Variants in CDH12 observed in about 807,000 individuals in gnomAD.
CDH12 encodes cadherin-12.
Under a neutral mutation model 74.1 loss-of-function variants are expected in CDH12, and 41 were observed. The ratio of observed to expected loss-of-function variants is 0.55; its 90% CI spans 0.43 to 0.72. The LOEUF is 0.72. Among genes scored for constraint, CDH12 ranks in the 30% least tolerant of loss-of-function variants. The probability of loss-of-function intolerance (pLI) is 0.00; values close to 1 mark genes in which losing one functional copy is unlikely to be tolerated. For missense variants in CDH12, 945 were observed against 977.2 expected (o/e 0.97, Z 0.44); for synonymous variants, 399 against 355.0 (o/e 1.12, Z -1.39).
At chr5:22,069,403 A>C (rs546460403) in intron 5 of CDH12, among the ~76,000 whole-genome samples, 104 of 152,250 alleles carry the variant, frequency 6.8e-4, no homozygotes, top group Non-Finnish European at 1.1e-3. Context: ...AATATATGGC[A>C]CTATTTCTTC....
intron 1 of CDH12, among the ~76,000 whole-genome samples, chr5:22,607,352 C>T (rs189869640): frequency 8.5e-5 from 13 of 152,210 alleles, no homozygotes; most frequent in South Asian, 8.3e-4. Context: ...TAAAGACATA[C>T]CCAACACTGG....
chr5:22,840,123 T>C (rs1236405186), intron 1 of CDH12, among the ~76,000 whole-genome samples: 1 of 152,158 alleles, frequency 6.6e-6, no homozygotes, highest in African/African-American at 2.4e-5. Flanking sequence ...TTTTTGTTTT[T>C]GTTTGTTGTT....
chr5:21,768,642 C>A (rs1296395047), intron 11 of CDH12, among the ~76,000 whole-genome samples: 1 of 151,868 alleles, frequency 6.6e-6, no homozygotes, highest in Non-Finnish European at 1.5e-5. Context: ...AAGAAATGAA[C>A]TTGTAATGAA....
chr5:22,489,052 C>T (rs7719756), intron 2 of CDH12, among the ~76,000 whole-genome samples: 9,213 of 36,794 alleles, frequency 0.25, 843 homozygotes, highest in Non-Finnish European at 0.28. Context: ...TTTTTTGGTA[C>T]CACCTTTTTT....
At chr5:22,235,118 T>C (rs1331044768) in intron 3 of CDH12, among the ~76,000 whole-genome samples, 1 of 152,228 alleles carries the variant, frequency 6.6e-6, no homozygotes, top group Non-Finnish European at 1.5e-5. Context: ...GTTTATATGC[T>C]GTGTGATTTG....
chr5:22,267,843 T>C (rs1190115293), intron 3 of CDH12, among the ~76,000 whole-genome samples: 2 of 151,928 alleles, frequency 1.3e-5, no homozygotes, highest in Non-Finnish European at 2.9e-5. Context: ...CAAAGAAAAA[T>C]ACAGAAAATA....
At chr5:21,924,950 A>G (rs1454714963) in intron 6 of CDH12, among the ~76,000 whole-genome samples, 2 of 152,222 alleles carry the variant, frequency 1.3e-5, no homozygotes, top group Non-Finnish European at 2.9e-5. Flanking sequence ...ATATGCCAGT[A>G]TATATCTTCC....
intron 4 of CDH12, among the ~76,000 whole-genome samples, chr5:22,163,479 T>C (rs1351617237): frequency 6.6e-6 from 1 of 152,188 alleles, no homozygotes; most frequent in Non-Finnish European, 1.5e-5. Context: ...CATCTATTTG[T>C]AGTCTTACCC....
intron 2 of CDH12, among the ~76,000 whole-genome samples, chr5:22,469,620 C>T (rs1745875716): frequency 2.0e-5 from 3 of 152,124 alleles, no homozygotes; most frequent in Non-Finnish European, 2.9e-5. Flanking sequence ...GCATTAGAAC[C>T]TCAACAGATA....
intron 1 of CDH12, among the ~76,000 whole-genome samples, chr5:22,780,819 AC>A (rs1378918151): frequency 6.6e-6 from 1 of 152,140 alleles, no homozygotes; most frequent in Non-Finnish European, 1.5e-5. Flanking sequence ...TTTATTTATG[AC>A]TTTTATAAAA....
intron 1 of CDH12, among the ~76,000 whole-genome samples, chr5:22,721,036 T>C (rs748114979): frequency 3.3e-5 from 5 of 152,222 alleles, no homozygotes; most frequent in African/African-American, 7.2e-5. Context: ...AGGAACTGAA[T>C]GTTAATAGCC....
At chr5:22,581,946 C>T (rs1740124424) in intron 1 of CDH12, among the ~76,000 whole-genome samples, 1 of 152,132 alleles carries the variant, frequency 6.6e-6, no homozygotes, top group Non-Finnish European at 1.5e-5. Flanking sequence ...ATCTCCTGAA[C>T]TCGCCTATCT....
At chr5:22,435,270 C>T (rs1195249555) in intron 2 of CDH12, among the ~76,000 whole-genome samples, 1 of 152,042 alleles carries the variant, frequency 6.6e-6, no homozygotes, top group African/African-American at 2.4e-5. Context: ...TTCCTGCCCT[C>T]GAACATCGGA....
rs370633189 is a variant in CDH12, at chr5:22,748,717, C to T, written c.-523+104341G>A. On this transcript the variant is annotated intron_variant, in intron 1 of 14. Coordinates refer to ENST00000382254, the MANE Select transcript of CDH12 (RefSeq NM_004061.5). The stretch of plus-strand genomic sequence containing the variant: ...AGATAAATATTAGTAGAGACTGTAG[C>T]GATTGTAATGATGTGACGACATTTC... Among the ~76,000 whole-genome samples the T allele has an allele frequency of 9.2e-5, 14 of 152,168 alleles. No individual in the cohort carries two copies. In the South Asian group the frequency reaches 1.2e-3, roughly 14 times the overall value.
intron 1 of CDH12, among the ~76,000 whole-genome samples, chr5:22,690,804 A>G (rs1291191844): frequency 6.6e-6 from 1 of 152,124 alleles, no homozygotes; most frequent in Non-Finnish European, 1.5e-5. Flanking sequence ...TTTGTTAATC[A>G]TTCTCATTAT....
At chr5:22,201,645 T>C (rs1208076469) in intron 4 of CDH12, among the ~76,000 whole-genome samples, 1 of 152,030 alleles carries the variant, frequency 6.6e-6, no homozygotes, top group Non-Finnish European at 1.5e-5. Context: ...TATAACAAAA[T>C]TGTACTTGTA....
intron 3 of CDH12, among the ~76,000 whole-genome samples, chr5:22,309,369 A>G (rs913067074): frequency 1.3e-5 from 2 of 152,210 alleles, no homozygotes; most frequent in African/African-American, 4.8e-5. Flanking sequence ...AAAAGAGAAC[A>G]AAACAGGTAA....
chr5:22,422,990 C>T (rs1743721093), intron 2 of CDH12, among the ~76,000 whole-genome samples: 1 of 152,030 alleles, frequency 6.6e-6, no homozygotes, highest in African/African-American at 2.4e-5. Context: ...TCATTGAATA[C>T]TGTTATTGAC....
chr5:21,848,615 G>A (rs1579828445), intron 7 of CDH12, among the ~76,000 whole-genome samples: 1 of 151,946 alleles, frequency 6.6e-6, no homozygotes, highest in Non-Finnish European at 1.5e-5. Context: ...CATTGCATTT[G>A]TATATGATTT....
Sources: allele counts gnomAD v4.1 joint callset (sites outside exome capture counted in the v4.1 genomes callset), GRCh38; gene constraint gnomAD v4.1.1; transcripts MANE v1.5; gene names NCBI Gene and HGNC (gene_info 2026-07-23, HGNC 2026-07-21).